LRMDA: variants seen among roughly 807,000 people sequenced by gnomAD.
The protein encoded by LRMDA is leucine rich melanocyte differentiation associated.
A neutral mutation model predicts 29.8 loss-of-function variants in LRMDA; 18 were observed. The observed-to-expected ratio is 0.60, with a 90% CI of 0.42 to 0.90. The LOEUF (loss-of-function observed/expected upper bound fraction) is 0.90. Among genes scored for constraint, LRMDA ranks in the 40% least tolerant of loss-of-function variants. The pLI is 0.00. For missense variants in LRMDA, 273 were observed against 273.9 expected (o/e 1.00, Z 0.02); for synonymous variants, 125 against 109.4 (o/e 1.14, Z -0.89).
rs944230271 is a variant in LRMDA at position 76,510,103 on chromosome 10, CT to C, written c.602-47103del. On this transcript the variant is annotated intron_variant, in intron 6 of 6. Transcript: ENST00000611255. ...TTGTTTTTTCTGAGACAGAGTCTGG[CT>C]TTGTTGTCTAGGCTGGAGTGGAGTG... is the stretch of plus-strand genomic sequence containing the variant. Among the ~76,000 whole-genome samples the C allele has an allele frequency of 2.0e-5, 3 of 152,232 alleles. No homozygotes were observed. In the East Asian group the frequency reaches 5.8e-4, roughly 29 times the overall value.
At chr10:75,511,227 C>G (rs925232516) in intron 2 of LRMDA, among the ~76,000 whole-genome samples, 6 of 151,790 alleles carry the variant, frequency 4.0e-5, no homozygotes, top group African/African-American at 1.5e-4. Context: ...CCCACCTACT[C>G]GCGAGGCTGA....
intron 2 of LRMDA, among the ~76,000 whole-genome samples, chr10:76,007,307 C>G (rs917135489): frequency 6.6e-6 from 1 of 151,960 alleles, no homozygotes; most frequent in Non-Finnish European, 1.5e-5. Context: ...TCTTGCTCCC[C>G]CTCTGACGAA....
chr10:76,220,377 A>G (rs2132256820), intron 5 of LRMDA, among the ~76,000 whole-genome samples: 1 of 152,340 alleles, frequency 6.6e-6, no homozygotes, highest in East Asian at 1.9e-4. Context: ...CACTAGCAAG[A>G]CTAATAAAGA....
At chr10:76,419,233 A>C (rs796359409) in intron 6 of LRMDA, among the ~76,000 whole-genome samples, 8 of 151,996 alleles carry the variant, frequency 5.3e-5, no homozygotes, top group African/African-American at 1.7e-4. Flanking sequence ...TTTTTGCTTC[A>C]CCTATTCTAT....
At chr10:75,816,995 A>G (rs117873064) in intron 2 of LRMDA, among the ~76,000 whole-genome samples, 2,034 of 152,290 alleles carry the variant, frequency 0.013, 24 homozygotes, top group Non-Finnish European at 0.019. Context: ...AGAAACTTTA[A>G]CTTCCAATTC....
chr10:76,462,812 T>C (rs902210387), intron 6 of LRMDA, among the ~76,000 whole-genome samples: 4 of 151,930 alleles, frequency 2.6e-5, no homozygotes, highest in Non-Finnish European at 5.9e-5. Flanking sequence ...ACAGTGGGGG[T>C]TGTTGAGCTC....
chr10:75,688,477 G>A (rs190556171), intron 2 of LRMDA, among the ~76,000 whole-genome samples: 1 of 152,216 alleles, frequency 6.6e-6, no homozygotes. Flanking sequence ...CTGCAATCTT[G>A]TGATAAAACT....
intron 2 of LRMDA, among the ~76,000 whole-genome samples, chr10:75,517,524 T>G (rs998921071): frequency 2.0e-5 from 3 of 152,214 alleles, no homozygotes; most frequent in African/African-American, 4.8e-5. Flanking sequence ...TATATAGGAA[T>G]GCTTGTGATT....
chr10:76,386,524 T>C (rs1841661613), intron 6 of LRMDA, among the ~76,000 whole-genome samples: 1 of 152,180 alleles, frequency 6.6e-6, no homozygotes, highest in South Asian at 2.1e-4. Flanking sequence ...GTAGTTTCTT[T>C]TCAGTTTTAT....
intron 6 of LRMDA, among the ~76,000 whole-genome samples, chr10:76,381,278 CTT>C (rs1339719704): frequency 6.6e-6 from 1 of 151,482 alleles, no homozygotes; most frequent in Non-Finnish European, 1.5e-5. Context: ...ATTTAGGACT[CTT>C]TTTAAAGTAA....
At chr10:76,335,233 T>G (rs1357257818) in intron 6 of LRMDA, among the ~76,000 whole-genome samples, 2 of 152,232 alleles carry the variant, frequency 1.3e-5, no homozygotes, top group African/African-American at 4.8e-5. Flanking sequence ...AATTTAAGTT[T>G]TGTTTGCAAA....
chr10:76,214,691 A>G lies in LRMDA; in HGVS notation c.517-109710A>G, dbSNP rs1352296536. Among the ~76,000 whole-genome samples, 11 of 152,312 alleles carry G rather than the reference A, an allele frequency of 7.2e-5. No individual in the cohort carries two copies. In the East Asian group the frequency reaches 1.9e-3, roughly 27 times the overall value. ...CATTTTGTAGCTTACCTGGTAAGTG[A>G]TAACTACATTTCTGAAGACTTATTG... On this transcript the variant is annotated intron_variant, in intron 5 of 6. Transcript: ENST00000611255.
intron 2 of LRMDA, among the ~76,000 whole-genome samples, chr10:75,894,880 T>A (rs1845557437): frequency 6.6e-6 from 1 of 152,206 alleles, no homozygotes; most frequent in African/African-American, 2.4e-5. Flanking sequence ...CTAGTCTAAG[T>A]GTTTTGTACT....
At position 75,697,535 on chromosome 10, in the gene LRMDA, G is replaced by A. The variant is rs867850663; in HGVS notation, c.131+259041G>A. On this transcript the variant is annotated intron_variant, in intron 2 of 6. Transcript: ENST00000611255. ...TTTTTTTTCTTGAGGTCAGAATTAC[G>A]GACATAAGTATTTTTCAGCAGGGCA... 3.3e-5 allele frequency among the ~76,000 whole-genome samples: 5 copies of A among 150,624 alleles called. No individual in the cohort carries two copies. In the East Asian group the frequency reaches 9.8e-4, roughly 29 times the overall value.
intron 5 of LRMDA, among the ~76,000 whole-genome samples, chr10:76,059,403 G>A (rs1356268343): frequency 1.3e-5 from 2 of 152,202 alleles, no homozygotes; most frequent in African/African-American, 2.4e-5. Context: ...CAGCTCTGAT[G>A]AGGCAGTGGA....
intron 6 of LRMDA, among the ~76,000 whole-genome samples, chr10:76,342,994 A>T (rs112769162): frequency 5.3e-5 from 8 of 151,922 alleles, no homozygotes; most frequent in African/African-American, 1.9e-4. Context: ...AGTAAAAAAA[A>T]CCCTGATCTG....
At chr10:75,868,531 C>G in intron 2 of LRMDA, among the ~76,000 whole-genome samples, 1 of 152,168 alleles carries the variant, frequency 6.6e-6, no homozygotes, top group Middle Eastern at 3.2e-3. Flanking sequence ...CTTATTAACT[C>G]TGATTGTTAC....
intron 2 of LRMDA, among the ~76,000 whole-genome samples, chr10:75,766,028 C>T (rs142028663): frequency 2.6e-5 from 4 of 152,298 alleles, no homozygotes; most frequent in Admixed American, 1.3e-4. Flanking sequence ...AGGTACTACA[C>T]GCTATCCTAA....
chr10:76,026,487 A>G (rs1215586513), intron 2 of LRMDA, among the ~76,000 whole-genome samples: 1 of 152,240 alleles, frequency 6.6e-6, no homozygotes, highest in Non-Finnish European at 1.5e-5. Context: ...TAAGAAGACT[A>G]TAATAGGGCA....
Sources: allele counts gnomAD v4.1 joint callset (sites outside exome capture counted in the v4.1 genomes callset), GRCh38; gene constraint gnomAD v4.1.1; transcripts MANE v1.5; gene names NCBI Gene and HGNC (gene_info 2026-07-23, HGNC 2026-07-21).